COPS3: variants seen among roughly 807,000 people sequenced by gnomAD.
COPS3 encodes the protein COP9 signalosome complex subunit 3.
COPS3 carries 10 observed loss-of-function variants against 58.2 expected under a neutral mutation model. That is an observed-to-expected ratio of 0.17 (90% CI 0.11 to 0.29). The LOEUF (loss-of-function observed/expected upper bound fraction) is 0.29. Among genes scored for constraint, COPS3 ranks in the 10% least tolerant of loss-of-function variants. The probability of loss-of-function intolerance (pLI) is 1.00; values close to 1 mark genes in which losing one functional copy is unlikely to be tolerated. For missense variants in COPS3, 333 were observed against 510.1 expected, an observed-to-expected ratio of 0.65 and a Z score of 3.34; for synonymous variants, 187 against 181.7, an observed-to-expected ratio of 1.03 and a Z score of -0.24.
intron 6 of COPS3, among the ~76,000 whole-genome samples, chr17:17,262,660 G>A (rs1403985156): frequency 6.6e-6 from 1 of 152,022 alleles, no homozygotes; most frequent in Non-Finnish European, 1.5e-5. Context: ...AACCCAGGAG[G>A]CGGAGCTTGC....
At chr17:17,247,632 G>C (rs1475875107) in intron 10 of COPS3, 72 bp from the exon 11 acceptor site, 8 of 1,426,418 alleles carry the variant, frequency 5.6e-6, no homozygotes, top group Non-Finnish European at 4.9e-6. Flanking sequence ...AACTTACACT[G>C]TTCACAAGGG....
Position 17,280,634 on chromosome 17 carries a change from C to A in COPS3, c.55+498G>T. The A allele has an allele frequency of 2.3e-6, 3 of 1,303,040 alleles. No homozygotes were observed. The South Asian group carries it at 3.7e-5, about 16-fold the overall frequency. 80.7% of individuals were successfully genotyped at this position (1,303,040 alleles called of 1,614,324 possible). A position where few individuals can be genotyped will look rare whatever the true frequency, so the allele number is the denominator to read the frequency against. ...ATAGGCGCACAGGTTCCCGAGCGTG[C>A]GCCGCCTGGCAGCGGAGGAGCTGGC... On this transcript the variant is annotated intron_variant, in intron 1 of 11. Coordinates refer to ENST00000268717, the MANE Select transcript of COPS3 (RefSeq NM_003653.4).
At chr17:17,255,038 A>T in intron 8 of COPS3, 93 bp from the exon 9 acceptor site, 1 of 790,184 alleles carries the variant, frequency 1.3e-6, no homozygotes, top group South Asian at 1.5e-5. Flanking sequence ...GTGGTGGCTC[A>T]TGTCTGTAAT....
chr17:17,267,497 G>A (rs1203028030), intron 5 of COPS3, among the ~76,000 whole-genome samples: 1 of 151,728 alleles, frequency 6.6e-6, no homozygotes, highest in Non-Finnish European at 1.5e-5. Flanking sequence ...AATTAGCTAG[G>A]CTTGGTGGTG....
chr17:17,264,651 T>C (rs1409583315), intron 6 of COPS3, 151 bp downstream of exon 6: 1 of 616,970 alleles, frequency 1.6e-6, no homozygotes, highest in Non-Finnish European at 2.8e-6. Context: ...AGGTTACCAC[T>C]ATTTACATGA....
chr17:17,266,591 G>A (rs1222979685), intron 5 of COPS3, among the ~76,000 whole-genome samples: 1 of 151,958 alleles, frequency 6.6e-6, no homozygotes, highest in African/African-American at 2.4e-5. Context: ...TTGAAGTCAG[G>A]AGTTCAAGAC....
intron 4 of COPS3, among the ~76,000 whole-genome samples, chr17:17,269,877 C>T (rs1206550080): frequency 6.6e-6 from 1 of 152,126 alleles, no homozygotes; most frequent in Admixed American, 6.6e-5. Flanking sequence ...CATTTCTGGG[C>T]CGGGCGTGGT....
intron 5 of COPS3, among the ~76,000 whole-genome samples, chr17:17,265,531 T>C (rs1465019533): frequency 6.6e-6 from 1 of 152,004 alleles, no homozygotes; most frequent in Non-Finnish European, 1.5e-5. Flanking sequence ...CCCGAGTAGC[T>C]GGGATTACAG....
At chr17:17,259,546 G>A (rs1421097961) in intron 8 of COPS3, among the ~76,000 whole-genome samples, 1 of 152,070 alleles carries the variant, frequency 6.6e-6, no homozygotes, top group Non-Finnish European at 1.5e-5. Flanking sequence ...ATTGCACAAA[G>A]TTTGTACAAC....
At chr17:17,258,299 CA>C (rs954577796) in intron 8 of COPS3, among the ~76,000 whole-genome samples, 30 of 151,586 alleles carry the variant, frequency 2.0e-4, no homozygotes, top group Middle Eastern at 3.2e-3. Context: ...CCTGTTTGAT[CA>C]AAAAAAAATT....
chr17:17,259,900 G>GA (rs34177884), intron 8 of COPS3, among the ~76,000 whole-genome samples: 98,493 of 147,068 alleles, frequency 0.67, 32,953 homozygotes, highest in East Asian at 0.84. Context: ...TGTCAAGAGA[G>GA]AAAAAAAAAA....
intron 7 of COPS3, chr17:17,261,582 A>G: frequency 5.5e-6 from 2 of 363,652 alleles, no homozygotes; most frequent in Admixed American, 3.5e-5. Flanking sequence ...AATAAAGGCC[A>G]GGCTCAGTGG....
chr17:17,265,092 A>T (rs1362662867), intron 5 of COPS3, 111 bp from the exon 6 acceptor site: 1 of 949,306 alleles, frequency 1.1e-6, no homozygotes, highest in Non-Finnish European at 1.6e-6. Flanking sequence ...ATTGTGTTTT[A>T]CATTTTATTG....
Position 17,281,229 on chromosome 17 carries a change from G to T in COPS3, c.-43C>A. 6.3e-7 allele frequency: 1 copy of T among 1,588,646 alleles called. No individual in the cohort carries two copies. The highest frequency in any genetic ancestry group is 8.6e-7 in the Non-Finnish European group (1 of 1,166,808). ...CCGAGCGGCGAAGGCAGCACGCGCGGGAAAAGGCTGCCGCTCTGGGAGGAG... is the reference window on the plus strand; with the variant it reads ...CCGAGCGGCGAAGGCAGCACGCGCGTGAAAAGGCTGCCGCTCTGGGAGGAG... On this transcript the variant is annotated 5_prime_UTR_variant, in exon 1 of 12. Coordinates refer to ENST00000268717, the MANE Select transcript of COPS3 (RefSeq NM_003653.4).
intron 1 of COPS3, among the ~76,000 whole-genome samples, chr17:17,279,859 G>A (rs887609464): frequency 5.3e-5 from 8 of 152,298 alleles, no homozygotes; most frequent in African/African-American, 1.9e-4. Context: ...GGCCTTCACA[G>A]CCAGCATCTA....
intron 10 of COPS3, 101 bp downstream of exon 10, chr17:17,248,825 T>C: frequency 2.8e-6 from 2 of 704,104 alleles, no homozygotes; most frequent in Non-Finnish European, 4.8e-6. Flanking sequence ...GACTGGGAAC[T>C]ACCTGTACTT....
intron 9 of COPS3, among the ~76,000 whole-genome samples, chr17:17,250,783 C>T (rs2047826482): frequency 6.6e-6 from 1 of 152,210 alleles, no homozygotes; most frequent in Non-Finnish European, 1.5e-5. Context: ...CTACTTGTCT[C>T]TAGCTTTGGA....
rs1239677237 is a variant in COPS3, at chr17:17,280,702, T to C, written c.55+430A>G. The stretch of plus-strand genomic sequence containing the variant: ...CCAAGACACCCAGAACGGACTCGCC[T>C]CCCGCCCGCTCCCGGCGGCCTAGTC... On this transcript the variant is annotated intron_variant, in intron 1 of 11. Coordinates refer to ENST00000268717, the MANE Select transcript of COPS3 (RefSeq NM_003653.4). 16 of 1,264,640 alleles carry C rather than the reference T, an allele frequency of 1.3e-5. 1 individual carries two copies. The East Asian group carries it at 7.6e-4, about 60-fold the overall frequency. 78.3% of individuals were successfully genotyped at this position (1,264,640 alleles called of 1,614,324 possible).
chr17:17,252,472 A>AGATAACGCTTTGGTGTGTGGGCTGTC (rs1476105581), intron 9 of COPS3, among the ~76,000 whole-genome samples: 18 of 151,702 alleles, frequency 1.2e-4, no homozygotes, highest in East Asian at 3.9e-4. Flanking sequence ...TGTCCTGGGC[A>AGATAACGCTTTGGTGTGTGGGCTGTC]CTGCAGGACG....
Sources: allele counts gnomAD v4.1 joint callset (sites outside exome capture counted in the v4.1 genomes callset), GRCh38; gene constraint gnomAD v4.1.1; transcripts MANE v1.5; gene names NCBI Gene and HGNC (gene_info 2026-07-23, HGNC 2026-07-21).